PCDHGA12: variants seen among roughly 807,000 people sequenced by gnomAD.
The protein encoded by PCDHGA12 is protocadherin gamma-A12.
A neutral mutation model predicts 61.1 loss-of-function variants in PCDHGA12; 43 were observed. The ratio of observed to expected loss-of-function variants is 0.70; its 90% CI spans 0.55 to 0.91. The LOEUF is 0.91. Ranked by LOEUF, PCDHGA12 falls within the 40% of genes least tolerant of loss-of-function variation. PCDHGA12 has a pLI of 0.00. For synonymous variants in PCDHGA12, 520 were observed against 542.9 expected (o/e 0.96, Z 0.59); for missense variants, 1,236 against 1,227.7 (o/e 1.01, Z -0.10).
chr5:141,499,223 C>T (rs1478344280), intron 2 of PCDHGA12, among the ~76,000 whole-genome samples: 2 of 152,112 alleles, frequency 1.3e-5, no homozygotes, highest in African/African-American at 4.8e-5. Context: ...CCCTGCCCTG[C>T]AGCTGTCCCC....
At chr5:141,482,611 G>T (rs1016481108) in intron 1 of PCDHGA12, among the ~76,000 whole-genome samples, 1 of 150,398 alleles carries the variant, frequency 6.6e-6, no homozygotes, top group Admixed American at 6.6e-5. Context: ...ACACCTAAAT[G>T]AGCCTGGAGA....
Position 141,510,980 on chromosome 5 carries a change from G to C in PCDHGA12, c.2606G>C (p.Gly869Ala), listed in dbSNP as rs1466168256. 12 of 1,614,170 alleles carry C rather than the reference G, an allele frequency of 7.4e-6. No individual in the cohort carries two copies. The highest frequency in any genetic ancestry group is 9.3e-6 in the Non-Finnish European group (11 of 1,180,014). ...AADGSSTLGG[G>A]AGTMGLSARY... ...GATGGGAGCTCCACCCTGGGAGGGG[G>C]TGCCGGCACCATGGGATTGAGCGCC... is the stretch of plus-strand genomic sequence containing the variant. Residue 869 changes from glycine (G) to alanine (A), a missense_variant, in exon 4 of 4, where the codon GGT becomes GCT. By Grantham distance (60) the Gly-to-Ala change is moderately conservative (BLOSUM62 0). Transcript: ENST00000252085.
intron 1 of PCDHGA12, chr5:141,478,104 CTG>C: frequency 6.2e-7 from 1 of 1,614,118 alleles, no homozygotes; most frequent in Middle Eastern, 1.6e-4. Context: ...GCTACCCTCA[CTG>C]TGTCAGTAAC....
intron 2 of PCDHGA12, among the ~76,000 whole-genome samples, chr5:141,500,023 G>C (rs1393994881): frequency 1.3e-5 from 2 of 151,754 alleles, no homozygotes; most frequent in Admixed American, 6.6e-5. Flanking sequence ...TTTTATATTT[G>C]AGTGAGTGTC....
intron 1 of PCDHGA12, among the ~76,000 whole-genome samples, chr5:141,462,105 G>A (rs2099031983): frequency 6.6e-6 from 1 of 152,170 alleles, no homozygotes; most frequent in South Asian, 2.1e-4. Flanking sequence ...TTACAGGCAT[G>A]AGCCACTGCA....
At chr5:141,450,599 G>T (rs569531886) in intron 1 of PCDHGA12, among the ~76,000 whole-genome samples, 11 of 150,286 alleles carry the variant, frequency 7.3e-5, no homozygotes, top group African/African-American at 2.7e-4. Flanking sequence ...CAATTCTCCT[G>T]CCTCAGCCTC....
Position 141,477,514 on chromosome 5 carries a change from T to G in PCDHGA12, c.2425-17293T>G. 1 of 1,614,114 alleles carries G rather than the reference T, an allele frequency of 6.2e-7. No individual in the cohort carries two copies. Among genetic ancestry groups the G allele is most frequent in the Non-Finnish European group, 8.5e-7 (1 of 1,180,026 alleles). On this transcript the variant is annotated intron_variant, in intron 1 of 3. Coordinates refer to ENST00000252085, the MANE Select transcript of PCDHGA12 (RefSeq NM_003735.3). The surrounding 1 kb of genome is among the most constrained non-coding windows in gnomAD (Gnocchi z 4.9). Reference sequence around the variant, plus strand: ...CTCAATCTTCCTACGACGTTTACATTGAAGAAAACAACCTCCCCGGGGCTC... The same window carrying G: ...CTCAATCTTCCTACGACGTTTACATGGAAGAAAACAACCTCCCCGGGGCTC...
chr5:141,441,937 C>T, intron 1 of PCDHGA12: 1 of 344,792 alleles, frequency 2.9e-6, no homozygotes, highest in Non-Finnish European at 5.6e-6. Context: ...GCTGTCCTAC[C>T]ACGTGCTGCA....
chr5:141,439,830 C>T (rs2098134193), intron 1 of PCDHGA12: 1 of 152,352 alleles, frequency 6.6e-6, no homozygotes, highest in South Asian at 2.1e-4. Context: ...GCTGGAGCAG[C>T]AGCAACTCTA....
intron 1 of PCDHGA12, among the ~76,000 whole-genome samples, chr5:141,451,435 G>T (rs947210577): frequency 6.6e-6 from 1 of 152,234 alleles, no homozygotes; most frequent in Non-Finnish European, 1.5e-5. Flanking sequence ...AAGGGTTCCA[G>T]TTCCTTGCTG....
chr5:141,431,884 T>A lies in PCDHGA12; in HGVS notation c.1125T>A (p.Asp375Glu). Reference protein sequence around the residue: ...LIALLNVNDQDSEENGQVICF... With the variant: ...LIALLNVNDQESEENGQVICF... ...CCCTTTTAAATGTAAATGACCAAGA[T>A]TCTGAGGAAAACGGACAGGTGATCT... Residue 375 changes from aspartate (D) to glutamate (E), a missense_variant, in exon 1 of 4, where the codon GAT becomes GAA. Physicochemically the swap from Asp to Glu is conservative, Grantham distance 45. Transcript: ENST00000252085. This position sits in a 1 kb window ranked among gnomAD's most constrained non-coding sequence, Gnocchi z 4.8. 1.2e-6 allele frequency: 2 copies of A among 1,614,218 alleles called. No individual in the cohort carries two copies. Among genetic ancestry groups the A allele is most frequent in the Non-Finnish European group, 1.7e-6 (2 of 1,180,008 alleles).
Position 141,487,532 on chromosome 5 carries a change from A to C in PCDHGA12, c.2425-7275A>C. 6.2e-7 allele frequency: 1 copy of C among 1,614,158 alleles called. No homozygotes were observed. Among genetic ancestry groups the C allele is most frequent in the Non-Finnish European group, 8.5e-7 (1 of 1,180,022 alleles). On this transcript the variant is annotated intron_variant, in intron 1 of 3. Transcript: ENST00000252085. This position sits in a 1 kb window ranked among gnomAD's most constrained non-coding sequence, Gnocchi z 5.0. Reference sequence around the variant, plus strand: ...ACCCACTCGGAGTGATAGCTTCATGATGGTGAAGTCACCCAGTGCACCTAT... The same window carrying C: ...ACCCACTCGGAGTGATAGCTTCATGCTGGTGAAGTCACCCAGTGCACCTAT...
chr5:141,487,485 G>A lies in PCDHGA12; in HGVS notation c.2425-7322G>A. On this transcript the variant is annotated intron_variant, in intron 1 of 3. Transcript: ENST00000252085. The surrounding 1 kb of genome is among the most constrained non-coding windows in gnomAD (Gnocchi z 5.0). ...GTTGATGTGGGAGGCCACTCTCATG[G>A]CTGTACACCCTTGGCTTCTGCACCC... The A allele has an allele frequency of 6.2e-7, 1 of 1,614,164 alleles. No homozygotes were observed. Among genetic ancestry groups the A allele is most frequent in the Non-Finnish European group, 8.5e-7 (1 of 1,180,030 alleles).
At chr5:141,483,694 C>T (rs915328297) in intron 1 of PCDHGA12, among the ~76,000 whole-genome samples, 3 of 151,952 alleles carry the variant, frequency 2.0e-5, no homozygotes, top group African/African-American at 4.8e-5. Flanking sequence ...AGCCAGATTC[C>T]TCTTTTTGAC....
At position 141,490,543 on chromosome 5, in the gene PCDHGA12, C is replaced by T; in HGVS notation, c.2425-4264C>T. 2 of 1,614,188 alleles carry T rather than the reference C, an allele frequency of 1.2e-6. No homozygotes were observed. Among genetic ancestry groups the T allele is most frequent in the Non-Finnish European group, 8.5e-7 (1 of 1,180,024 alleles). On this transcript the variant is annotated intron_variant, in intron 1 of 3. Transcript: ENST00000252085. The surrounding 1 kb of genome is among the most constrained non-coding windows in gnomAD (Gnocchi z 5.4). ...CAGCGATGCTGGTTCACCTTCCCTA[C>T]ACAAACATCTCACCATCAGGCTCAA...
In PCDHGA12 at chr5:141,487,153, T is replaced by C; in HGVS notation, c.2425-7654T>C. The stretch of plus-strand genomic sequence containing the variant: ...GTCCACCACTCTCTACCTCTGTTAC[T>C]CTCTTAGTGTCCTTAGAGGAAGACA... On this transcript the variant is annotated intron_variant, in intron 1 of 3. Coordinates refer to ENST00000252085, the MANE Select transcript of PCDHGA12 (RefSeq NM_003735.3). This position sits in a 1 kb window ranked among gnomAD's most constrained non-coding sequence, Gnocchi z 5.0. 3 of 1,613,954 alleles carry C rather than the reference T, an allele frequency of 1.9e-6. No individual in the cohort carries two copies. Among genetic ancestry groups the C allele is most frequent in the Non-Finnish European group, 2.5e-6 (3 of 1,179,838 alleles).
chr5:141,468,330 CAA>C lies in PCDHGA12; in HGVS notation c.2425-26459_2425-26458del, dbSNP rs533390277. 202 of 79,822 alleles carry C rather than the reference CAA, an allele frequency of 2.5e-3. 2 individuals are homozygous for C. The highest frequency in any genetic ancestry group is 7.9e-3 in the Middle Eastern group (1 of 126). The allele number at this position is 79,822 out of a possible 1,614,324, so 4.9% of individuals were successfully genotyped here. Reference sequence around the variant, plus strand: ...ACAAGAGCAACGGTAAACTCCATCTCAAAAAAAAAAAAAAAAAAAGAAAGAAA... The same window carrying C: ...ACAAGAGCAACGGTAAACTCCATCTCAAAAAAAAAAAAAAAAAGAAAGAAA... On this transcript the variant is annotated intron_variant, in intron 1 of 3. Transcript: ENST00000252085.
intron 1 of PCDHGA12, among the ~76,000 whole-genome samples, chr5:141,448,660 G>T (rs2098599264): frequency 6.6e-6 from 1 of 151,712 alleles, no homozygotes; most frequent in African/African-American, 2.4e-5. Context: ...TTCCATATTG[G>T]CCGGGCGCGG....
intron 1 of PCDHGA12, among the ~76,000 whole-genome samples, chr5:141,473,126 A>C (rs2154571574): frequency 6.6e-6 from 1 of 152,356 alleles, no homozygotes; most frequent in South Asian, 2.1e-4. Flanking sequence ...GCTCTTTGGC[A>C]AACTATATTA....
Sources: gnomAD v4.1 joint callset for allele counts (sites outside exome capture counted in the v4.1 genomes callset) on GRCh38, gnomAD v4.1.1 for gene constraint, Gnocchi (gnomAD v3.1) non-coding constraint, MANE v1.5 for transcripts, NCBI Gene and HGNC (gene_info 2026-07-23, HGNC 2026-07-21) for gene names.